PPP3CA: variants seen among roughly 807,000 people sequenced by gnomAD.
The protein encoded by PPP3CA is protein phosphatase 3 catalytic subunit alpha.
In PPP3CA, 14 loss-of-function variants were observed where a neutral mutation model predicts 66.5. That is an observed-to-expected ratio of 0.21 (90% CI 0.14 to 0.33). The LOEUF is 0.33. Ranked by LOEUF, PPP3CA falls within the 10% of genes least tolerant of loss-of-function variation. The probability of loss-of-function intolerance (pLI) is 1.00; values close to 1 mark genes in which losing one functional copy is unlikely to be tolerated. For synonymous variants in PPP3CA, 232 were observed against 226.2 expected (o/e 1.03, Z -0.23); for missense variants, 317 against 639.5 (o/e 0.50, Z 5.44).
intron 1 of PPP3CA, among the ~76,000 whole-genome samples, chr4:101,204,669 A>C (rs1201971887): frequency 6.6e-6 from 1 of 151,374 alleles, no homozygotes; most frequent in African/African-American, 2.4e-5. Context: ...AGTTATACAC[A>C]CAAGTCCAGT....
rs1045850806 is a variant in PPP3CA, at chr4:101,294,293, T to C, written c.58+52446A>G. Among the ~76,000 whole-genome samples the C allele has an allele frequency of 3.9e-5, 6 of 152,236 alleles. No homozygotes were observed. The South Asian group carries it at 1.0e-3, about 26-fold the overall frequency. On this transcript the variant is annotated intron_variant, in intron 1 of 13. Transcript: ENST00000394854. ...CAGTACTAACGTGGGACTCCAAGCATTCATCTTTGAACTAGGTATCTCATC... is the reference window on the plus strand; with the variant it reads ...CAGTACTAACGTGGGACTCCAAGCACTCATCTTTGAACTAGGTATCTCATC...
intron 10 of PPP3CA, among the ~76,000 whole-genome samples, chr4:101,050,571 A>G (rs1402844891): frequency 3.9e-5 from 6 of 152,160 alleles, no homozygotes; most frequent in Non-Finnish European, 1.5e-5. Flanking sequence ...CCACATGGAG[A>G]TGGTACTGCT....
intron 8 of PPP3CA, among the ~76,000 whole-genome samples, chr4:101,063,741 TTGAA>T (rs1159751931): frequency 1.4e-4 from 21 of 152,044 alleles, no homozygotes; most frequent in African/African-American, 5.1e-4. Context: ...CCTCAAATAT[TTGAA>T]TGAATTTATT....
At chr4:101,145,913 C>G (rs1722954425) in intron 2 of PPP3CA, among the ~76,000 whole-genome samples, 1 of 152,110 alleles carries the variant, frequency 6.6e-6, no homozygotes. Flanking sequence ...AACCTATGAG[C>G]TTAAAATCAT....
At chr4:101,107,842 A>G (rs976892821) in intron 3 of PPP3CA, among the ~76,000 whole-genome samples, 1 of 152,224 alleles carries the variant, frequency 6.6e-6, no homozygotes, top group African/African-American at 2.4e-5. Flanking sequence ...GGTGTGAGAC[A>G]ATAATGTTGA....
intron 2 of PPP3CA, among the ~76,000 whole-genome samples, chr4:101,172,641 T>C (rs1165536077): frequency 6.6e-6 from 1 of 152,090 alleles, no homozygotes; most frequent in Non-Finnish European, 1.5e-5. Context: ...TGGTCCCTTC[T>C]CTAATGAGTC....
At chr4:101,297,458 A>G (rs1728232254) in intron 1 of PPP3CA, among the ~76,000 whole-genome samples, 1 of 152,194 alleles carries the variant, frequency 6.6e-6, no homozygotes, top group Admixed American at 6.5e-5. Flanking sequence ...TATCCAGTGT[A>G]ATGTTAACAG....
At chr4:101,266,942 T>C (rs1727186720) in intron 1 of PPP3CA, among the ~76,000 whole-genome samples, 1 of 152,208 alleles carries the variant, frequency 6.6e-6, no homozygotes, top group African/African-American at 2.4e-5. Context: ...AGCCAAATTC[T>C]GTAGGAGCAT....
At chr4:101,344,891 A>G (rs186865367) in intron 1 of PPP3CA, among the ~76,000 whole-genome samples, 1 of 152,256 alleles carries the variant, frequency 6.6e-6, no homozygotes, top group Admixed American at 6.5e-5. Flanking sequence ...CATTGTTTTG[A>G]TCTTAACCTA....
At chr4:101,253,455 A>G (rs527934428) in intron 1 of PPP3CA, among the ~76,000 whole-genome samples, 1 of 152,258 alleles carries the variant, frequency 6.6e-6, no homozygotes, top group Admixed American at 6.5e-5. Context: ...CAACATTTGG[A>G]ATACATATAC....
intron 2 of PPP3CA, among the ~76,000 whole-genome samples, chr4:101,174,070 A>G (rs1723972682): frequency 6.6e-6 from 1 of 151,684 alleles, no homozygotes; most frequent in Admixed American, 6.6e-5. Context: ...TAAACAAACA[A>G]ACAAACACAA....
intron 1 of PPP3CA, among the ~76,000 whole-genome samples, chr4:101,332,728 C>T (rs138747818): frequency 6.6e-6 from 1 of 152,296 alleles, no homozygotes; most frequent in Admixed American, 6.5e-5. Flanking sequence ...GTTACAACAA[C>T]CTTAAAAAAT....
At position 101,064,840 on chromosome 4, in the gene PPP3CA, G is replaced by A. The variant is rs1003986550; in HGVS notation, c.956-1483C>T. ...TGGGGAGAATATATCATTTTCTGTG[G>A]TGTGGATACTATATATATCATATTG... is the stretch of plus-strand genomic sequence containing the variant. On this transcript the variant is annotated intron_variant, in intron 8 of 13. Coordinates refer to ENST00000394854, the MANE Select transcript of PPP3CA (RefSeq NM_000944.5). Among the ~76,000 whole-genome samples the A allele has an allele frequency of 2.0e-5, 3 of 152,018 alleles. 1 individual carries two copies. The highest frequency in any genetic ancestry group is 4.4e-5 in the Non-Finnish European group (3 of 67,946).
chr4:101,161,937 G>A (rs188834519), intron 2 of PPP3CA, among the ~76,000 whole-genome samples: 81 of 152,132 alleles, frequency 5.3e-4, no homozygotes, highest in African/African-American at 1.6e-3. Context: ...AGTCCACATC[G>A]AGGTTAAAAA....
At chr4:101,116,821 T>C (rs1240088581) in intron 2 of PPP3CA, among the ~76,000 whole-genome samples, 1 of 151,906 alleles carries the variant, frequency 6.6e-6, no homozygotes, top group Admixed American at 6.6e-5. Context: ...AAAGGATAAA[T>C]ATGTTTTAGG....
At chr4:101,190,627 C>T (rs1023908258) in intron 2 of PPP3CA, among the ~76,000 whole-genome samples, 7 of 152,112 alleles carry the variant, frequency 4.6e-5, no homozygotes, top group Middle Eastern at 3.4e-3. Flanking sequence ...ATTTTGAGCC[C>T]CTGGCTTACA....
intron 2 of PPP3CA, among the ~76,000 whole-genome samples, chr4:101,185,465 G>A (rs766162208): frequency 6.6e-6 from 1 of 152,074 alleles, no homozygotes; most frequent in Non-Finnish European, 1.5e-5. Flanking sequence ...TTGAAACATG[G>A]TCATGTGGGG....
At chr4:101,244,893 C>T (rs899381720) in intron 1 of PPP3CA, among the ~76,000 whole-genome samples, 5 of 150,576 alleles carry the variant, frequency 3.3e-5, no homozygotes, top group African/African-American at 7.3e-5. Flanking sequence ...CTGTAAGAAA[C>T]GGCTTTAAAG....
At chr4:101,102,211 T>A (rs550497370) in intron 3 of PPP3CA, among the ~76,000 whole-genome samples, 51 of 142,692 alleles carry the variant, frequency 3.6e-4, no homozygotes, top group African/African-American at 1.3e-3. Context: ...TCCTTTTCTG[T>A]AAATGAAGAA....
Sources: gnomAD v4.1 joint callset for allele counts (sites outside exome capture counted in the v4.1 genomes callset) on GRCh38, gnomAD v4.1.1 for gene constraint, MANE v1.5 for transcripts, NCBI Gene and HGNC (gene_info 2026-07-23, HGNC 2026-07-21) for gene names.